Variants in COMT observed in about 807,000 individuals in gnomAD.
COMT encodes catechol-O-methyltransferase.
A neutral mutation model predicts 18.9 loss-of-function variants in COMT; 13 were observed. The observed-to-expected ratio is 0.69, with a 90% CI of 0.45 to 1.09. COMT has a LOEUF of 1.09. Among genes scored for constraint, COMT ranks in the 50% least tolerant of loss-of-function variants. The pLI is 0.00. For missense variants in COMT, 329 were observed against 361.8 expected (o/e 0.91, Z 0.73); for synonymous variants, 150 against 160.9 (o/e 0.93, Z 0.51).
chr22:19,967,281 A>G (rs763359600), intron 5 of COMT: 3 of 1,180,420 alleles, frequency 2.5e-6, no homozygotes, highest in East Asian at 5.7e-5. Context: ...CCCCTCACTC[A>G]TGCATTCCCT....
At chr22:19,956,509 T>G (rs1942068337) in intron 1 of COMT, among the ~76,000 whole-genome samples, 1 of 151,842 alleles carries the variant, frequency 6.6e-6, no homozygotes, top group African/African-American at 2.4e-5. Context: ...CCTGAGTAGC[T>G]GGGACTAACA....
intron 1 of COMT, among the ~76,000 whole-genome samples, chr22:19,943,094 G>A (rs763577444): frequency 3.3e-5 from 5 of 152,176 alleles, no homozygotes; most frequent in Admixed American, 6.5e-5. Context: ...GTTAGTGTTC[G>A]TTCCAGCCTA....
intron 1 of COMT, among the ~76,000 whole-genome samples, chr22:19,958,049 T>C (rs1942103580): frequency 6.6e-6 from 1 of 152,056 alleles, no homozygotes; most frequent in Non-Finnish European, 1.5e-5. Flanking sequence ...ATTCTTGGTA[T>C]ACACCTAGGA....
At chr22:19,950,904 A>AGAGG (rs1279486688) in intron 1 of COMT, 1 of 152,232 alleles carries the variant, frequency 6.6e-6, no homozygotes, top group African/African-American at 2.4e-5. Flanking sequence ...AAAGTAGCGC[A>AGAGG]GAGGGCATGA....
chr22:19,960,250 C>T (rs73880029), intron 1 of COMT, among the ~76,000 whole-genome samples: 7,322 of 152,338 alleles, frequency 0.048, 179 homozygotes, highest in South Asian at 0.081. Context: ...ATATTTCTAA[C>T]ACTGTTTTTT....
At chr22:19,947,452 G>A (rs1167127717) in intron 1 of COMT, among the ~76,000 whole-genome samples, 1 of 152,212 alleles carries the variant, frequency 6.6e-6, no homozygotes, top group Non-Finnish European at 1.5e-5. Context: ...TACAAGACAA[G>A]GGGGCAGGGT....
At chr22:19,963,847 G>T in intron 4 of COMT, 88 bp downstream of exon 4, 1 of 1,466,346 alleles carries the variant, frequency 6.8e-7, no homozygotes. Flanking sequence ...CCCACCAGGT[G>T]TTCACACCAC....
At chr22:19,968,455 G>A in intron 5 of COMT, 81 bp from the exon 6 acceptor site, 1 of 1,397,082 alleles carries the variant, frequency 7.2e-7, no homozygotes, top group Non-Finnish European at 1.0e-6. Context: ...GTGGCCTAGT[G>A]AGGAGCACCC....
chr22:19,941,956 G>C, intron 1 of COMT, 59 bp downstream of exon 1: 6 of 680,972 alleles, frequency 8.8e-6, no homozygotes, highest in Non-Finnish European at 1.3e-5. Flanking sequence ...GGGGCCTTCA[G>C]ACCTAGGGTG....
intron 2 of COMT, chr22:19,962,318 C>T (rs1447141624): frequency 1.4e-5 from 11 of 770,422 alleles, no homozygotes; most frequent in African/African-American, 1.7e-5. Flanking sequence ...AGGCACACAC[C>T]TGCTCTGTCT....
rs147942364 is a variant in COMT, at chr22:19,963,690, C to T, written c.414C>T (p.Thr138=). The T allele has an allele frequency of 3.7e-6, 6 of 1,612,910 alleles. No homozygotes were observed. The African/African-American group carries it at 6.7e-5, about 18-fold the overall frequency. ...TGTCACCAGGGGCGAGGCTCATCACCATCGAGATCAACCCCGACTGTGCCG... is the reference window on the plus strand; with the variant it reads ...TGTCACCAGGGGCGAGGCTCATCACTATCGAGATCAACCCCGACTGTGCCG... ...RLLSPGARLI[T]IEINPDCAAI... Residue 138 remains threonine (T), a synonymous_variant, in exon 4 of 6, where the codon ACC becomes ACT. Coordinates refer to ENST00000361682, the MANE Select transcript of COMT (RefSeq NM_000754.4).
chr22:19,968,901 T>C lies in COMT; in HGVS notation c.*165T>C. On this transcript the variant is annotated 3_prime_UTR_variant, in exon 6 of 6. Coordinates refer to ENST00000361682, the MANE Select transcript of COMT (RefSeq NM_000754.4). ...TGCTAACCTCTCTGAACTGCAACACTGGATTGTTCTTTTTTAAGACTCAAT... is the reference window on the plus strand; with the variant it reads ...TGCTAACCTCTCTGAACTGCAACACCGGATTGTTCTTTTTTAAGACTCAAT... 1.6e-6 allele frequency: 1 copy of C among 640,068 alleles called. No homozygotes were observed. The highest frequency in any genetic ancestry group is 2.8e-6 in the Non-Finnish European group (1 of 359,580). The allele number at this position is 640,068 out of a possible 1,614,324, so 39.6% of individuals were successfully genotyped here.
At chr22:19,963,333 G>A (rs996862775) in intron 3 of COMT, 4 of 607,398 alleles carry the variant, frequency 6.6e-6, no homozygotes, top group Non-Finnish European at 1.2e-5. Flanking sequence ...GAGGCTAAGG[G>A]ACCATGGGAG....
At chr22:19,966,905 A>G (rs1942430462) in intron 5 of COMT, 3 of 979,250 alleles carry the variant, frequency 3.1e-6, no homozygotes, top group Non-Finnish European at 3.6e-6. Context: ...GCATAGTGTC[A>G]CCTGCTCCTC....
intron 1 of COMT, among the ~76,000 whole-genome samples, chr22:19,943,848 G>T (rs1034570521): frequency 6.6e-6 from 1 of 152,040 alleles, no homozygotes; most frequent in Non-Finnish European, 1.5e-5. Flanking sequence ...ATAGGCATTG[G>T]TATCCCAGTT....
intron 1 of COMT, among the ~76,000 whole-genome samples, chr22:19,951,346 A>G (rs112092169): frequency 0.011 from 1,407 of 130,124 alleles, 34 homozygotes; most frequent in African/African-American, 0.036. Flanking sequence ...GCGACAGAGC[A>G]AGACTCTGTC....
rs1281791095 is a variant in COMT, at chr22:19,962,723, A to G, written c.197A>G (p.His66Arg). Residue 66 changes from histidine (H) to arginine (R), a missense_variant, in exon 3 of 6, where the codon CAT becomes CGT. By Grantham distance (29) the His-to-Arg change is conservative. Transcript: ENST00000361682. ...CGCATCCTGAACCACGTGCTGCAGCATGCGGAGCCCGGGAACGCACAGAGC... is the reference window on the plus strand; with the variant it reads ...CGCATCCTGAACCACGTGCTGCAGCGTGCGGAGCCCGGGAACGCACAGAGC... ...EQRILNHVLQHAEPGNAQSVL... is the reference protein window; with the variant it reads ...EQRILNHVLQRAEPGNAQSVL... The G allele has an allele frequency of 6.2e-7, 1 of 1,613,748 alleles. No homozygotes were observed. The highest frequency in any genetic ancestry group is 1.1e-5 in the South Asian group (1 of 91,084).
intron 1 of COMT, among the ~76,000 whole-genome samples, chr22:19,946,033 G>C (rs755834286): frequency 2.0e-5 from 3 of 152,114 alleles, no homozygotes; most frequent in Non-Finnish European, 1.5e-5. Context: ...CTGAACAAAA[G>C]TCATAAAAAG....
Position 19,963,555 on chromosome 22 carries a change from A to G in COMT, c.290-11A>G. 1.2e-6 allele frequency: 2 copies of G among 1,611,108 alleles called. No individual in the cohort carries two copies. The highest frequency in any genetic ancestry group is 1.3e-5 in the African/African-American group (1 of 74,996). On this transcript the variant is annotated splice_polypyrimidine_tract_variant and intron_variant, in intron 3 of 5. Transcript: ENST00000361682. ...TGTGCTCACCTCTCCTCCGTCCCCA[A>G]CCCTGCACAGGCAAGATCGTGGACG...
Sources: allele counts gnomAD v4.1 joint callset (sites outside exome capture counted in the v4.1 genomes callset), GRCh38; gene constraint gnomAD v4.1.1; transcripts MANE v1.5; gene names NCBI Gene and HGNC (gene_info 2026-07-23, HGNC 2026-07-21).